REST: variants seen among roughly 807,000 people sequenced by gnomAD.
REST encodes RE1 silencing transcription factor.
In REST, 1 loss-of-function variant was observed where a neutral mutation model predicts 30.4. That is an observed-to-expected ratio of 0.03 (90% CI 0.01 to 0.16). The LOEUF (loss-of-function observed/expected upper bound fraction) is 0.16. REST is among the 10% of genes least tolerant of loss of function. REST has a pLI of 1.00. For synonymous variants in REST, 504 were observed against 451.1 expected, an observed-to-expected ratio of 1.12 and a Z score of -1.49; for missense variants, 1,259 against 1,329.5, an observed-to-expected ratio of 0.95 and a Z score of 0.82.
intron 3 of REST, among the ~76,000 whole-genome samples, chr4:56,924,848 G>A (rs1481994666): frequency 6.6e-6 from 1 of 152,034 alleles, no homozygotes; most frequent in Non-Finnish European, 1.5e-5. Context: ...TGTATTGTAT[G>A]CCGCCATTAC....
chr4:56,916,855 T>G (rs1451121488), intron 2 of REST, among the ~76,000 whole-genome samples: 4 of 152,218 alleles, frequency 2.6e-5, no homozygotes, highest in African/African-American at 9.6e-5. Flanking sequence ...TGTGGACGTA[T>G]GTTTTTGTTT....
In REST at chr4:56,931,412, A is replaced by C; in HGVS notation, c.2554A>C (p.Lys852Gln). Residue 852 changes from lysine to glutamine, a missense_variant, in exon 4 of 4, where the codon AAG becomes CAG. Around this residue, in one of 5 missense-constraint regions of REST, gnomAD observed 856 missense variants for 772.8 expected, o/e 1.11. Coordinates refer to ENST00000309042, the MANE Select transcript of REST (RefSeq NM_005612.5). ...LVPVKDSWLL[K>Q]ESVSTEDLSP... ...GCCTGTTAAAGATAGCTGGCTTCTA[A>C]AGGAAAGTGTAAGCACAGAGGATCT... is the stretch of plus-strand genomic sequence containing the variant. The C allele has an allele frequency of 6.2e-7, 1 of 1,614,264 alleles. No homozygotes were observed. The highest frequency in any genetic ancestry group is 8.5e-7 in the Non-Finnish European group (1 of 1,180,052).
At chr4:56,926,636 G>A (rs371163129) in intron 3 of REST, among the ~76,000 whole-genome samples, 11 of 151,870 alleles carry the variant, frequency 7.2e-5, no homozygotes, top group East Asian at 3.9e-4. Context: ...GACCCACCGC[G>A]CCCTGCTGAG....
intron 3 of REST, among the ~76,000 whole-genome samples, chr4:56,926,624 G>A (rs1041237584): frequency 5.9e-5 from 9 of 151,826 alleles, no homozygotes; most frequent in South Asian, 2.1e-4. Context: ...GACTACAGGC[G>A]TGACCCACCG....
Position 56,919,859 on chromosome 4 carries a change from G to T in REST, c.971G>T (p.Arg324Leu). The T allele has an allele frequency of 6.3e-7, 1 of 1,576,658 alleles. No homozygotes were observed. The highest frequency in any genetic ancestry group is 8.7e-7 in the Non-Finnish European group (1 of 1,154,512). Residue 324 changes from arginine to leucine, a missense_variant, in exon 3 of 4, where the codon CGT becomes CTT. Coordinates refer to ENST00000309042, the MANE Select transcript of REST (RefSeq NM_005612.5). ...SQKTHLTRHM[R>L]THSGEKPFKC... Reference sequence around the variant, plus strand: ...AAGACTCATCTAACTAGACATATGCGTACTCATTCAGGTTGGTAAGAAATT... The same window carrying T: ...AAGACTCATCTAACTAGACATATGCTTACTCATTCAGGTTGGTAAGAAATT...
chr4:56,932,302 T>G lies in REST; in HGVS notation c.*150T>G. The G allele has an allele frequency of 1.2e-6, 1 of 804,528 alleles. No homozygotes were observed. The highest frequency in any genetic ancestry group is 1.9e-6 in the Non-Finnish European group (1 of 526,794). 49.8% of individuals were successfully genotyped at this position (804,528 alleles called of 1,614,324 possible). A position where few individuals can be genotyped will look rare whatever the true frequency, so the allele number is the denominator to read the frequency against. On this transcript the variant is annotated 3_prime_UTR_variant, in exon 4 of 4. Transcript: ENST00000309042. ...ATTCTTTTCCTTAGGACTTTTTATG[T>G]ATACCTGTTGATTGTTGTGTAAATT...
chr4:56,908,476 G>A (rs1719725453), intron 1 of REST, among the ~76,000 whole-genome samples: 1 of 151,992 alleles, frequency 6.6e-6, no homozygotes, highest in Non-Finnish European at 1.5e-5. Context: ...CCCACTGGAG[G>A]CTGGGACGCC....
intron 2 of REST, among the ~76,000 whole-genome samples, chr4:56,912,309 C>T (rs892964110): frequency 2.7e-5 from 4 of 149,710 alleles, no homozygotes; most frequent in Non-Finnish European, 5.9e-5. Flanking sequence ...TGAACTGATA[C>T]TAAGCGCAAC....
intron 3 of REST, 140 bp downstream of exon 3, chr4:56,920,010 C>T (rs1373099677): frequency 2.4e-6 from 1 of 419,674 alleles, no homozygotes; most frequent in Non-Finnish European, 4.1e-6. Context: ...AATCAGTATT[C>T]CGTCAATCTG....
Position 56,911,421 on chromosome 4 carries a change from T to C in REST, c.783T>C (p.Tyr261=). 1 of 1,614,178 alleles carries C rather than the reference T, an allele frequency of 6.2e-7. No individual in the cohort carries two copies. Among genetic ancestry groups the C allele is most frequent in the Non-Finnish European group, 8.5e-7 (1 of 1,180,028 alleles). Residue 261 remains tyrosine, a synonymous_variant, in exon 2 of 4, where the codon TAT becomes TAC. Transcript: ENST00000309042. ...GCACATACACAACAGTGAGCGAGTA[T>C]CACTGGAGGAAACATTTAAGAAACC... The part of the protein sequence containing the change: ...IICTYTTVSE[Y]HWRKHLRNHF...
At position 56,931,359 on chromosome 4, in the gene REST, A is replaced by G; in HGVS notation, c.2501A>G (p.Glu834Gly). 3.1e-6 allele frequency: 5 copies of G among 1,614,274 alleles called. No homozygotes were observed. Among genetic ancestry groups the G allele is most frequent in the Non-Finnish European group, 4.2e-6 (5 of 1,180,042 alleles). Residue 834 changes from glutamate to glycine, a missense_variant, in exon 4 of 4, where the codon GAG becomes GGG. This residue lies in a region of REST where 856 missense variants were observed against 772.8 expected (regional missense o/e 1.11). Transcript: ENST00000309042. Reference sequence around the variant, plus strand: ...ATGCAGAGTGAAAGGGCACGGAAGGAGCAAGTCCTTATTGAAGTTGGCTTA... The same window carrying G: ...ATGCAGAGTGAAAGGGCACGGAAGGGGCAAGTCCTTATTGAAGTTGGCTTA... ...SNMQSERARKEQVLIEVGLVP... is the reference protein window; with the variant it reads ...SNMQSERARKGQVLIEVGLVP...
At chr4:56,912,721 C>G (rs1719988898) in intron 2 of REST, among the ~76,000 whole-genome samples, 2 of 152,092 alleles carry the variant, frequency 1.3e-5, no homozygotes, top group South Asian at 2.1e-4. Context: ...ACCATGTTGC[C>G]CAGGCTGGTC....
intron 1 of REST, among the ~76,000 whole-genome samples, chr4:56,910,397 T>C (rs2069534304): frequency 6.6e-6 from 1 of 152,180 alleles, no homozygotes; most frequent in Non-Finnish European, 1.5e-5. Context: ...GTGCAAACAA[T>C]TGGTAGAATT....
At chr4:56,908,855 GA>G (rs1055839842) in intron 1 of REST, 6 of 151,678 alleles carry the variant, frequency 4.0e-5, no homozygotes, top group Admixed American at 2.6e-4. Flanking sequence ...GTGGGGGAGT[GA>G]AGTTCGCAAA....
Position 56,930,659 on chromosome 4 carries a change from G to A in REST, c.1801G>A (p.Val601Ile), listed in dbSNP as rs1195906711. The stretch of plus-strand genomic sequence containing the variant: ...CAGTAAGCCTCCTCAGAAGGAACCT[G>A]TTGAGAAGGGATCTGCTCAGATGGA... ...KSSKPPQKEP[V>I]EKGSAQMDPP... Residue 601 changes from valine to isoleucine, a missense_variant, in exon 4 of 4, where the codon GTT (valine) becomes ATT (isoleucine). Val to Ile is a conservative substitution (Grantham distance 29). Around this residue, in one of 5 missense-constraint regions of REST, gnomAD observed 856 missense variants for 772.8 expected, o/e 1.11. Coordinates refer to ENST00000309042, the MANE Select transcript of REST (RefSeq NM_005612.5). The A allele has an allele frequency of 1.2e-6, 2 of 1,613,792 alleles. No individual in the cohort carries two copies. The highest frequency in any genetic ancestry group is 1.7e-5 in the Admixed American group (1 of 59,994).
rs187099797 is a variant in REST at position 56,917,250 on chromosome 4, T to C, written c.899-2537T>C. Among the ~76,000 whole-genome samples the C allele has an allele frequency of 2.2e-3, 331 of 152,360 alleles. 1 individual carries two copies. The highest frequency in any genetic ancestry group is 3.7e-3 in the Non-Finnish European group (255 of 68,024). On this transcript the variant is annotated intron_variant, in intron 2 of 3. Coordinates refer to ENST00000309042, the MANE Select transcript of REST (RefSeq NM_005612.5). ...GTTGCTACCAACTCTTTACAGCTAA[T>C]TCGTAGCTACCAGCGAATTACAGCA...
In REST at chr4:56,929,826, T is replaced by C. The variant is rs750593167; in HGVS notation, c.983-15T>C. The C allele has an allele frequency of 6.3e-7, 1 of 1,576,690 alleles. No individual in the cohort carries two copies. Among genetic ancestry groups the C allele is most frequent in the Non-Finnish European group, 8.6e-7 (1 of 1,163,652 alleles). ...TTAATCTATGTCTTCTCTCATACTT[T>C]TGATTTGCCTTCAGGTGAGAAGCCA... On this transcript the variant is annotated splice_polypyrimidine_tract_variant and intron_variant, in intron 3 of 3. Coordinates refer to ENST00000309042, the MANE Select transcript of REST (RefSeq NM_005612.5).
chr4:56,928,938 G>T (rs1035048149), intron 3 of REST, among the ~76,000 whole-genome samples: 6 of 151,620 alleles, frequency 4.0e-5, no homozygotes, highest in African/African-American at 1.5e-4. Context: ...TTGCTCTGTT[G>T]CCCAGGTTGG....
In REST at chr4:56,924,435, A is replaced by G. The variant is rs189402438; in HGVS notation, c.982+4565A>G. Among the ~76,000 whole-genome samples, 114 of 152,214 alleles carry G rather than the reference A, an allele frequency of 7.5e-4. 1 individual carries two copies. Among genetic ancestry groups the G allele is most frequent in the African/African-American group, 2.6e-3 (106 of 41,534 alleles). ...CCTTTCCACCCAGTCTTTCCCCTGG[A>G]TGATATTCTGTCTCCTACCAAAGAA... On this transcript the variant is annotated intron_variant, in intron 3 of 3. Coordinates refer to ENST00000309042, the MANE Select transcript of REST (RefSeq NM_005612.5).
Sources: gnomAD v4.1 joint callset for allele counts (sites outside exome capture counted in the v4.1 genomes callset) on GRCh38, gnomAD v4.1.1 for gene constraint, gnomAD v4.1.1 regional missense constraint, MANE v1.5 for transcripts, NCBI Gene and HGNC (gene_info 2026-07-23, HGNC 2026-07-21) for gene names.